The following SLCO3A1 variants were observed in gnomAD, a reference collection of about 807,000 sequenced individuals.
SLCO3A1 encodes the protein PGE1 transporter.
Under a neutral mutation model 63.1 loss-of-function variants are expected in SLCO3A1, and 27 were observed. The observed-to-expected ratio is 0.43, with a 90% confidence interval of 0.32 to 0.59. The LOEUF is 0.59. SLCO3A1 is among the 20% of genes least tolerant of loss of function. The pLI is 0.09. For missense variants in SLCO3A1, 773 were observed against 945.8 expected (o/e 0.82, Z 2.40); for synonymous variants, 473 against 409.9 (o/e 1.15, Z -1.86).
At chr15:92,162,207 C>G (rs2048448589) in intron 9 of SLCO3A1, 1 of 124,874 alleles carries the variant, frequency 8.0e-6, no homozygotes, top group Non-Finnish European at 1.6e-5. Flanking sequence ...GTGGCACGAT[C>G]TTGGCTCACT....
At chr15:91,977,248 G>A (rs1301562002) in intron 2 of SLCO3A1, among the ~76,000 whole-genome samples, 1 of 152,192 alleles carries the variant, frequency 6.6e-6, no homozygotes, top group African/African-American at 2.4e-5. Flanking sequence ...GGGGTGACAT[G>A]CACTGGTCTT....
At chr15:92,111,534 A>G (rs1035607974) in intron 4 of SLCO3A1, among the ~76,000 whole-genome samples, 2 of 152,160 alleles carry the variant, frequency 1.3e-5, no homozygotes, top group Admixed American at 1.3e-4. Context: ...TGTGATTTAC[A>G]TTCTGCCATG....
chr15:91,940,387 G>C (rs953850685), intron 2 of SLCO3A1, among the ~76,000 whole-genome samples: 1 of 152,182 alleles, frequency 6.6e-6, no homozygotes, highest in South Asian at 2.1e-4. Flanking sequence ...AGCTTTTATG[G>C]AAGAGGGGAT....
At chr15:92,151,617 TG>T (rs1314229968) in intron 9 of SLCO3A1, among the ~76,000 whole-genome samples, 1 of 152,210 alleles carries the variant, frequency 6.6e-6, no homozygotes, top group African/African-American at 2.4e-5. Context: ...AGGTCCTTCC[TG>T]GGCACTGGCT....
In SLCO3A1 at chr15:91,882,618, G is replaced by A. The variant is rs1428306983; in HGVS notation, c.180+28530G>A. 1.3e-5 allele frequency among the ~76,000 whole-genome samples: 2 copies of A among 151,942 alleles called. No individual in the cohort carries two copies. Among genetic ancestry groups the A allele is most frequent in the Non-Finnish European group, 2.9e-5 (2 of 68,014 alleles). ...CAACCTCCGCCTCCCGGGTTCAAGC[G>A]ATTCTCTTGCTTCAGCCTCCCGAGT... is the stretch of plus-strand genomic sequence containing the variant. On this transcript the variant is annotated intron_variant, in intron 1 of 9. Coordinates refer to ENST00000318445, the MANE Select transcript of SLCO3A1 (RefSeq NM_013272.4). The surrounding 1 kb of genome is among the most constrained non-coding windows in gnomAD (Gnocchi z 4.4).
At chr15:92,034,392 G>A (rs866671535) in intron 2 of SLCO3A1, among the ~76,000 whole-genome samples, 1 of 151,614 alleles carries the variant, frequency 6.6e-6, no homozygotes, top group South Asian at 2.1e-4. Context: ...GATACTGCTG[G>A]AACATCCAAG....
chr15:91,963,566 G>T (rs1386800475), intron 2 of SLCO3A1, among the ~76,000 whole-genome samples: 1 of 152,176 alleles, frequency 6.6e-6, no homozygotes, highest in Non-Finnish European at 1.5e-5. Flanking sequence ...ATTGTATTCT[G>T]TCCAGAACTG....
At chr15:91,939,711 T>C (rs756735025) in intron 2 of SLCO3A1, among the ~76,000 whole-genome samples, 2 of 152,102 alleles carry the variant, frequency 1.3e-5, no homozygotes, top group African/African-American at 2.4e-5. Flanking sequence ...TTGGACTCTT[T>C]CCCGTCAGTC....
intron 5 of SLCO3A1, among the ~76,000 whole-genome samples, chr15:92,122,678 T>C (rs2047877172): frequency 6.6e-6 from 1 of 152,274 alleles, no homozygotes; most frequent in Non-Finnish European, 1.5e-5. Flanking sequence ...TAAGTGTTTA[T>C]GTTCACTCAT....
chr15:91,996,442 A>C (rs571785484), intron 2 of SLCO3A1, among the ~76,000 whole-genome samples: 2 of 152,084 alleles, frequency 1.3e-5, no homozygotes, highest in Non-Finnish European at 2.9e-5. Flanking sequence ...TTTCACTTCC[A>C]TTGCAATAAA....
At chr15:92,162,693 G>C (rs1383161720) in intron 9 of SLCO3A1, 63 bp from the exon 10 acceptor site, 1 of 1,534,920 alleles carries the variant, frequency 6.5e-7, no homozygotes, top group Non-Finnish European at 8.7e-7. Context: ...GCTAGGCAGA[G>C]ACAGGAACAG....
chr15:91,854,464 T>C lies in SLCO3A1; in HGVS notation c.180+376T>C. On this transcript the variant is annotated intron_variant, in intron 1 of 9. Transcript: ENST00000318445. This position sits in a 1 kb window ranked among gnomAD's most constrained non-coding sequence, Gnocchi z 6.4. ...ACGAAAAAGCGTCGGGGTTTTCAGG[T>C]GACCTGCACATGGGAAGAAAAACCA... 1.3e-6 allele frequency: 1 copy of C among 780,200 alleles called. No individual in the cohort carries two copies. The highest frequency in any genetic ancestry group is 1.6e-6 in the Non-Finnish European group (1 of 636,440). 48.3% of individuals were successfully genotyped at this position (780,200 alleles called of 1,614,324 possible). A position where few individuals can be genotyped will look rare whatever the true frequency, so the allele number is the denominator to read the frequency against.
At chr15:92,027,698 T>C (rs2046592919) in intron 2 of SLCO3A1, among the ~76,000 whole-genome samples, 1 of 152,226 alleles carries the variant, frequency 6.6e-6, no homozygotes, top group South Asian at 2.1e-4. Context: ...GTTCAACATT[T>C]TTATCCATGT....
At chr15:92,028,934 TG>T (rs2046611303) in intron 2 of SLCO3A1, among the ~76,000 whole-genome samples, 2 of 151,570 alleles carry the variant, frequency 1.3e-5, no homozygotes, top group Non-Finnish European at 2.9e-5. Context: ...TGTGTGTGTG[TG>T]TGTGTGTGTA....
intron 6 of SLCO3A1, 46 bp downstream of exon 6, chr15:92,126,305 C>G (rs2047922433): frequency 6.5e-7 from 1 of 1,527,524 alleles, no homozygotes; most frequent in African/African-American, 1.4e-5. Flanking sequence ...TTCAGGGACC[C>G]TAGCAATCTC....
In SLCO3A1 at chr15:91,875,322, C is replaced by CCCT. The variant is rs1345141239; in HGVS notation, c.180+21237_180+21239dup. On this transcript the variant is annotated intron_variant, in intron 1 of 9. Transcript: ENST00000318445. The surrounding 1 kb of genome is among the most constrained non-coding windows in gnomAD (Gnocchi z 4.5). Reference sequence around the variant, plus strand: ...CCACTCCTGCCTCCCTTTCCTCTGACCCTCCCCTCCCACTGTGGATCATGG... The same window carrying CCCT: ...CCACTCCTGCCTCCCTTTCCTCTGACCCTCCTCCCCTCCCACTGTGGATCATGG... 2.6e-5 allele frequency among the ~76,000 whole-genome samples: 4 copies of CCCT among 152,170 alleles called. No individual in the cohort carries two copies. Among genetic ancestry groups the CCCT allele is most frequent in the African/African-American group, 7.2e-5 (3 of 41,440 alleles).
At chr15:92,121,609 T>C (rs765986413) in intron 5 of SLCO3A1, among the ~76,000 whole-genome samples, 4 of 152,134 alleles carry the variant, frequency 2.6e-5, no homozygotes, top group Non-Finnish European at 5.9e-5. Context: ...TATGTAGTAG[T>C]GGAGGTTCAG....
At position 92,126,266 on chromosome 15, in the gene SLCO3A1, A is replaced by G; in HGVS notation, c.1373+7A>G. 1 of 1,613,036 alleles carries G rather than the reference A, an allele frequency of 6.2e-7. No homozygotes were observed. The highest frequency in any genetic ancestry group is 8.5e-7 in the Non-Finnish European group (1 of 1,179,140). ...CTGTTCCCTATGGAAACAGGTGAGT[A>G]CTGGCAGTGTCTGCCGCCTTCCTGC... On this transcript the variant is annotated splice_region_variant and intron_variant, in intron 6 of 9. Transcript: ENST00000318445.
rs773088751 is a variant in SLCO3A1, at chr15:92,147,133, G to A, written c.1662G>A (p.Gln554=). Residue 554 remains glutamine, a synonymous_variant, in exon 8 of 10, where the codon CAG becomes CAA. Coordinates refer to ENST00000318445, the MANE Select transcript of SLCO3A1 (RefSeq NM_013272.4). The part of the protein sequence containing the change: ...CICSLIGAMA[Q]TPSVIILIRT... ...GCAGCCTGATCGGTGCCATGGCACA[G>A]ACACCCTCAGTCATCATCCTCATCA... The A allele has an allele frequency of 1.2e-6, 2 of 1,612,676 alleles. No homozygotes were observed. The highest frequency in any genetic ancestry group is 1.7e-6 in the Non-Finnish European group (2 of 1,179,836).
Sources: allele counts gnomAD v4.1 joint callset (sites outside exome capture counted in the v4.1 genomes callset), GRCh38; gene constraint gnomAD v4.1.1; non-coding constraint Gnocchi (gnomAD v3.1); transcripts MANE v1.5; gene names NCBI Gene and HGNC (gene_info 2026-07-23, HGNC 2026-07-21).